Variants in RP9 observed in about 807,000 individuals in gnomAD.
RP9 encodes RP9 pre-mRNA splicing factor.
Under a neutral mutation model 32.6 loss-of-function variants are expected in RP9, and 23 were observed. The ratio of observed to expected loss-of-function variants is 0.71; its 90% CI spans 0.51 to 1.00. The LOEUF is 1.00. Ranked by LOEUF, RP9 falls within the 50% of genes least tolerant of loss-of-function variation. The pLI, the probability that RP9 is intolerant of heterozygous loss-of-function variation, is 0.00. For synonymous variants in RP9, 94 were observed against 103.6 expected (o/e 0.91, Z 0.56); for missense variants, 245 against 285.3 (o/e 0.86, Z 1.02).
At position 33,109,070 on chromosome 7, in the gene RP9, G is replaced by A; in HGVS notation, c.152+151C>T. On this transcript the variant is annotated intron_variant, in intron 1 of 5. Coordinates refer to ENST00000297157, the MANE Select transcript of RP9 (RefSeq NM_203288.2). The surrounding 1 kb of genome is among the most constrained non-coding windows in gnomAD (Gnocchi z 4.9). ...GTCCTTGACCGCGGCGCCCGACATCGGTCGCCCGCACCAGGCTCCTGCCGG... is the reference window on the plus strand; with the variant it reads ...GTCCTTGACCGCGGCGCCCGACATCAGTCGCCCGCACCAGGCTCCTGCCGG... The A allele has an allele frequency of 1.7e-6, 2 of 1,208,132 alleles. No homozygotes were observed. Among genetic ancestry groups the A allele is most frequent in the Non-Finnish European group, 2.1e-6 (2 of 946,220 alleles). The allele number at this position is 1,208,132 out of a possible 1,614,324, so 74.8% of individuals were successfully genotyped here.
intron 3 of RP9, among the ~76,000 whole-genome samples, chr7:33,098,464 A>G (rs1462095059): frequency 2.0e-5 from 3 of 152,192 alleles, no homozygotes; most frequent in Admixed American, 6.5e-5. Flanking sequence ...GGGAGACATC[A>G]GGTAGGTCTG....
chr7:33,097,643 G>A (rs1788358364), intron 3 of RP9, among the ~76,000 whole-genome samples: 1 of 151,450 alleles, frequency 6.6e-6, no homozygotes, highest in African/African-American at 2.4e-5. Context: ...TTTTTGAGAT[G>A]GAGTCCTGCT....
At chr7:33,098,878 T>C (rs1009725355) in intron 3 of RP9, among the ~76,000 whole-genome samples, 5 of 152,080 alleles carry the variant, frequency 3.3e-5, no homozygotes, top group African/African-American at 1.2e-4. Context: ...GGAGAGAATA[T>C]GATAATAAAG....
chr7:33,109,212 G>C lies in RP9; in HGVS notation c.152+9C>G. ...ACTGGCCGCGCGCGGACGGCAGCTC[G>C]GGACTCACAAGGACTCCAGGTGCTT... On this transcript the variant is annotated intron_variant, in intron 1 of 5. Coordinates refer to ENST00000297157, the MANE Select transcript of RP9 (RefSeq NM_203288.2). This position sits in a 1 kb window ranked among gnomAD's most constrained non-coding sequence, Gnocchi z 4.9. 1 of 1,494,434 alleles carries C rather than the reference G, an allele frequency of 6.7e-7. No homozygotes were observed. The highest frequency in any genetic ancestry group is 1.2e-5 in the South Asian group (1 of 80,278). The allele number at this position is 1,494,434 out of a possible 1,614,324, so 92.6% of individuals were successfully genotyped here.
In RP9 at chr7:33,108,944, C is replaced by T. The variant is rs929494388; in HGVS notation, c.152+277G>A. ...CGGGTCATTTGGACTCTCCTGGAAC[C>T]CCCTGGAGCTAGGGAAGCGCAGGGC... On this transcript the variant is annotated intron_variant, in intron 1 of 5. Coordinates refer to ENST00000297157, the MANE Select transcript of RP9 (RefSeq NM_203288.2). Among the ~76,000 whole-genome samples the T allele has an allele frequency of 4.6e-5, 7 of 152,326 alleles. No individual in the cohort carries two copies. The East Asian group carries it at 5.8e-4, about 13-fold the overall frequency.
At chr7:33,105,863 T>C (rs1277513387) in intron 1 of RP9, among the ~76,000 whole-genome samples, 3 of 152,246 alleles carry the variant, frequency 2.0e-5, no homozygotes, top group Non-Finnish European at 4.4e-5. Flanking sequence ...TTTGTCAACG[T>C]TCCCATGTCA....
intron 1 of RP9, among the ~76,000 whole-genome samples, chr7:33,108,890 A>C (rs1446527398): frequency 1.3e-5 from 2 of 152,116 alleles, no homozygotes; most frequent in African/African-American, 4.8e-5. Flanking sequence ...CTTCCCCTAC[A>C]TTTGAATCTT....
intron 4 of RP9, among the ~76,000 whole-genome samples, chr7:33,096,929 C>T (rs1445090475): frequency 1.3e-5 from 2 of 151,924 alleles, no homozygotes; most frequent in African/African-American, 4.8e-5. Context: ...CTTTAAAGAC[C>T]GGGAAATTAA....
chr7:33,098,117 G>A (rs1172162429), intron 3 of RP9, among the ~76,000 whole-genome samples: 1 of 152,118 alleles, frequency 6.6e-6, no homozygotes. Flanking sequence ...TGGGCACAGT[G>A]GCTCCTACCT....
chr7:33,105,432 G>A lies in RP9; in HGVS notation c.152+3789C>T, dbSNP rs553158208. Among the ~76,000 whole-genome samples the A allele has an allele frequency of 3.3e-5, 5 of 151,752 alleles. No homozygotes were observed. The East Asian group carries it at 9.7e-4, about 29-fold the overall frequency. ...TTCCACAAGTGGGCCATAAAAACTA[G>A]AACAAGTCTCCCACAAAGCAAGCCA... On this transcript the variant is annotated intron_variant, in intron 1 of 5. Coordinates refer to ENST00000297157, the MANE Select transcript of RP9 (RefSeq NM_203288.2).
chr7:33,096,631 T>A, intron 4 of RP9, 77 bp from the exon 5 acceptor site: 2 of 992,200 alleles, frequency 2.0e-6, no homozygotes, highest in Non-Finnish European at 3.3e-6. Context: ...GCCTATGTTA[T>A]GAAAACCAGT....
intron 2 of RP9, 31 bp from the exon 3 acceptor site, chr7:33,099,467 G>A (rs775104527): frequency 3.1e-6 from 5 of 1,613,398 alleles, no homozygotes; most frequent in South Asian, 1.1e-5. Context: ...AAACAGCATG[G>A]CAAGAGCGCT....
Position 33,109,380 on chromosome 7 carries a change from C to A in RP9, c.-8G>T. On this transcript the variant is annotated 5_prime_UTR_variant, in exon 1 of 6. Transcript: ENST00000297157. This position sits in a 1 kb window ranked among gnomAD's most constrained non-coding sequence, Gnocchi z 4.9. ...CCCAGGCCGGGACGACATGTCAGCC[C>A]CCGCAGCGCCGCTCGGGCAACCCCC... is the stretch of plus-strand genomic sequence containing the variant. 1 of 1,268,986 alleles carries A rather than the reference C, an allele frequency of 7.9e-7. No homozygotes were observed. The highest frequency in any genetic ancestry group is 1.0e-6 in the Non-Finnish European group (1 of 1,002,680). The allele number at this position is 1,268,986 out of a possible 1,614,324, so 78.6% of individuals were successfully genotyped here.
At chr7:33,105,957 A>C (rs1402965496) in intron 1 of RP9, among the ~76,000 whole-genome samples, 1 of 152,146 alleles carries the variant, frequency 6.6e-6, no homozygotes, top group South Asian at 2.1e-4. Context: ...TGTGACTCCT[A>C]TGATAGGTAA....
chr7:33,100,224 G>A (rs1788405231), intron 2 of RP9: 8 of 439,082 alleles, frequency 1.8e-5, no homozygotes, highest in South Asian at 1.5e-4. Flanking sequence ...GGGCTGAGCC[G>A]GGTGAGGCCG....
chr7:33,100,397 T>G, intron 2 of RP9, 134 bp downstream of exon 2: 1 of 798,594 alleles, frequency 1.3e-6, no homozygotes, highest in East Asian at 2.6e-5. Flanking sequence ...TTATGACCCC[T>G]CATTCATCTG....
At chr7:33,095,858 G>C (rs950761443) in intron 5 of RP9, among the ~76,000 whole-genome samples, 2 of 151,704 alleles carry the variant, frequency 1.3e-5, no homozygotes, top group African/African-American at 4.9e-5. Flanking sequence ...TAGAGACAGG[G>C]TCTTCCTCTG....
Position 33,100,578 on chromosome 7 carries a change from A to G in RP9, c.153-17T>C. On this transcript the variant is annotated splice_polypyrimidine_tract_variant and intron_variant, in intron 1 of 5. Transcript: ENST00000297157. Reference sequence around the variant, plus strand: ...TTTTCGTAACTGGAAAACAAAAAACAAAACCTTATCAACCATGTTAATGTA... The same window carrying G: ...TTTTCGTAACTGGAAAACAAAAAACGAAACCTTATCAACCATGTTAATGTA... 4 of 1,610,158 alleles carry G rather than the reference A, an allele frequency of 2.5e-6. No homozygotes were observed. The highest frequency in any genetic ancestry group is 3.4e-6 in the Non-Finnish European group (4 of 1,176,374).
chr7:33,095,412 A>G lies in RP9; in HGVS notation c.488T>C (p.Leu163Ser). 1 of 1,613,864 alleles carries G rather than the reference A, an allele frequency of 6.2e-7. No individual in the cohort carries two copies. The highest frequency in any genetic ancestry group is 8.5e-7 in the Non-Finnish European group (1 of 1,179,866). The change falls in exon 6 of 6, where the codon TTA becomes TCA. Residue 163 changes from leucine to serine, a missense_variant. Leu to Ser is a moderately radical substitution (Grantham distance 145, BLOSUM62 -2). Transcript: ENST00000297157. ...KDVRIQQLKQ[L>S]LEDSTSDEDR... Reference sequence around the variant, plus strand: ...TTCATCTGAGGTAGAATCCTCCAGTAACTGTTTTAACTGCTGTATCCTAAA... The same window carrying G: ...TTCATCTGAGGTAGAATCCTCCAGTGACTGTTTTAACTGCTGTATCCTAAA...
Sources: allele counts gnomAD v4.1 joint callset (sites outside exome capture counted in the v4.1 genomes callset), GRCh38; gene constraint gnomAD v4.1.1; non-coding constraint Gnocchi (gnomAD v3.1); transcripts MANE v1.5; gene names NCBI Gene and HGNC (gene_info 2026-07-23, HGNC 2026-07-21).